The following CFAP45 variants were observed in gnomAD, a reference collection of about 807,000 sequenced individuals.
The protein encoded by CFAP45 is cilia and flagella associated protein 45.
A neutral mutation model predicts 75.6 loss-of-function variants in CFAP45; 43 were observed. The ratio of observed to expected loss-of-function variants is 0.57; its 90% CI spans 0.45 to 0.73. The LOEUF is 0.73. Ranked by LOEUF, CFAP45 falls within the 30% of genes least tolerant of loss-of-function variation. CFAP45 has a pLI of 0.00. For missense variants in CFAP45, 689 were observed against 701.5 expected, an observed-to-expected ratio of 0.98 and a Z score of 0.20; for synonymous variants, 223 against 244.6, an observed-to-expected ratio of 0.91 and a Z score of 0.82.
chr1:159,896,214 G>A (rs1244142770), intron 1 of CFAP45, among the ~76,000 whole-genome samples: 1 of 152,234 alleles, frequency 6.6e-6, no homozygotes, highest in Non-Finnish European at 1.5e-5. Flanking sequence ...TTCCTCCAGG[G>A]CTGAGCCTGC....
intron 1 of CFAP45, among the ~76,000 whole-genome samples, chr1:159,893,621 A>G (rs74124750): frequency 0.043 from 6,569 of 152,190 alleles, 311 homozygotes; most frequent in African/African-American, 0.12. Flanking sequence ...GGGGAGGGGC[A>G]TGGGGAGAGG....
chr1:159,880,977 A>C lies in CFAP45; in HGVS notation c.898-277T>G, dbSNP rs760264582. ...AGGAAGCAGAAGCTCTTAAAGTTCC[A>C]TACAATTGCCTCTCACATGTTTTGC... On this transcript the variant is annotated intron_variant, in intron 7 of 11. Transcript: ENST00000368099. Among the ~76,000 whole-genome samples the C allele has an allele frequency of 4.7e-4, 72 of 152,216 alleles. 1 individual carries two copies. Among genetic ancestry groups the C allele is most frequent in the Non-Finnish European group, 1.0e-4 (7 of 68,040 alleles).
rs1557912136 is a variant in CFAP45 at position 159,879,929 on chromosome 1, A to G, written c.1044+625T>C. ...ACATAAATCCATGTTCACTTTATCT[A>G]TACCACTCTTAAAAGCCTTCTTCTA... is the stretch of plus-strand genomic sequence containing the variant. On this transcript the variant is annotated intron_variant, in intron 8 of 11. Coordinates refer to ENST00000368099, the MANE Select transcript of CFAP45 (RefSeq NM_012337.3). Among the ~76,000 whole-genome samples, 4 of 152,176 alleles carry G rather than the reference A, an allele frequency of 2.6e-5. No homozygotes were observed. The South Asian group carries it at 8.3e-4, about 31-fold the overall frequency.
chr1:159,891,136 G>A (rs901056778), intron 2 of CFAP45, among the ~76,000 whole-genome samples: 14 of 152,168 alleles, frequency 9.2e-5, no homozygotes, highest in African/African-American at 3.1e-4. Context: ...AACAAGGAGT[G>A]GGGGTCACTA....
chr1:159,883,623 A>AT (rs1649602020), intron 7 of CFAP45, among the ~76,000 whole-genome samples: 17 of 72,122 alleles, frequency 2.4e-4, no homozygotes, highest in African/African-American at 6.1e-4. Flanking sequence ...TTAACAATAA[A>AT]ATATATATAT....
chr1:159,880,712 A>G lies in CFAP45; in HGVS notation c.898-12T>C, dbSNP rs760274621. Reference sequence around the variant, plus strand: ...CTTCGTTCCATGTCCTGCCAGCAAAAGAAAGAGAGCCTCAGAGTACAAAGA... The same window carrying G: ...CTTCGTTCCATGTCCTGCCAGCAAAGGAAAGAGAGCCTCAGAGTACAAAGA... On this transcript the variant is annotated splice_polypyrimidine_tract_variant and intron_variant, in intron 7 of 11. Transcript: ENST00000368099. 9 of 1,613,486 alleles carry G rather than the reference A, an allele frequency of 5.6e-6. No homozygotes were observed. The Admixed American group carries it at 1.3e-4, about 24-fold the overall frequency.
At chr1:159,888,062 C>A (rs1268882649) in intron 4 of CFAP45, 51 bp from the exon 5 acceptor site, 2 of 1,579,450 alleles carry the variant, frequency 1.3e-6, no homozygotes, top group African/African-American at 1.3e-5. Flanking sequence ...GCGCTCTGTG[C>A]CCTGGGCGCT....
intron 10 of CFAP45, 24 bp from the exon 11 acceptor site, chr1:159,873,192 A>G: frequency 6.2e-7 from 1 of 1,604,758 alleles, no homozygotes; most frequent in Non-Finnish European, 8.5e-7. Context: ...ACAGGAATGG[A>G]ATGAACTCAG....
intron 4 of CFAP45, 121 bp from the exon 5 acceptor site, chr1:159,888,132 C>A: frequency 8.5e-7 from 1 of 1,181,336 alleles, no homozygotes; most frequent in South Asian, 1.5e-5. Flanking sequence ...GATGTCAGAG[C>A]CAAGAAGTTC....
chr1:159,897,631 C>T (rs1480207253), intron 1 of CFAP45, among the ~76,000 whole-genome samples: 1 of 152,092 alleles, frequency 6.6e-6, no homozygotes, highest in African/African-American at 2.4e-5. Flanking sequence ...GTTTGTATGG[C>T]AGGTATGTGC....
At position 159,872,984 on chromosome 1, in the gene CFAP45, G is replaced by GCTCACGGCGTTTCTGGGCCT; in HGVS notation, c.1517_1536dup (p.Ile514ProfsTer19). 6.2e-7 allele frequency: 1 copy of GCTCACGGCGTTTCTGGGCCT among 1,614,178 alleles called. No individual in the cohort carries two copies. The highest frequency in any genetic ancestry group is 8.5e-7 in the Non-Finnish European group (1 of 1,180,038). ...TTTTTCCTCTTGATCTCATCGATGC[G>GCTCACGGCGTTTCTGGGCCT]CTCACGGCGTTTCTGGGCCTCCTCT... On this transcript the variant is annotated frameshift_variant, in exon 11 of 12. Coordinates refer to ENST00000368099, the MANE Select transcript of CFAP45 (RefSeq NM_012337.3). LOFTEE classifies it high-confidence loss of function.
Position 159,900,149 on chromosome 1 carries a change from G to A in CFAP45, c.-51C>T, listed in dbSNP as rs200879197. The stretch of plus-strand genomic sequence containing the variant: ...GGACTTCTGCTGCCGCCTCGGCGCC[G>A]CCAAGGCCCTAGTGTTGACGCGTTA... On this transcript the variant is annotated 5_prime_UTR_variant, in exon 1 of 12. Coordinates refer to ENST00000368099, the MANE Select transcript of CFAP45 (RefSeq NM_012337.3). The A allele has an allele frequency of 3.1e-6, 5 of 1,613,184 alleles. No homozygotes were observed. The highest frequency in any genetic ancestry group is 3.4e-6 in the Non-Finnish European group (4 of 1,179,464).
chr1:159,888,791 C>T (rs1460643958), intron 3 of CFAP45, among the ~76,000 whole-genome samples: 1 of 141,120 alleles, frequency 7.1e-6, no homozygotes, highest in Non-Finnish European at 1.6e-5. Flanking sequence ...GCCCACTCTG[C>T]CCCCCCACCA....
At chr1:159,873,252 C>T in intron 10 of CFAP45, 84 bp from the exon 11 acceptor site, 1 of 1,138,988 alleles carries the variant, frequency 8.8e-7, no homozygotes, top group Non-Finnish European at 1.3e-6. Flanking sequence ...CCTGGGTGGG[C>T]TCCTTCAGTA....
chr1:159,899,580 GC>G (rs1395934319), intron 1 of CFAP45, among the ~76,000 whole-genome samples: 1 of 148,634 alleles, frequency 6.7e-6, no homozygotes, highest in Non-Finnish European at 1.5e-5. Flanking sequence ...CCATTCTCCT[GC>G]CTCAGCCTCC....
chr1:159,884,380 G>C (rs759956886), intron 7 of CFAP45, 56 bp downstream of exon 7: 3 of 1,546,790 alleles, frequency 1.9e-6, no homozygotes, highest in East Asian at 2.4e-5. Context: ...CCAGAGTCTT[G>C]AAGGGTTTTG....
chr1:159,873,754 A>C (rs1393096049), intron 10 of CFAP45, among the ~76,000 whole-genome samples: 1 of 152,002 alleles, frequency 6.6e-6, no homozygotes, highest in Non-Finnish European at 1.5e-5. Flanking sequence ...GGTTTCACCC[A>C]CTGGGAACTA....
chr1:159,898,508 T>C (rs1557917982), intron 1 of CFAP45, among the ~76,000 whole-genome samples: 2 of 152,130 alleles, frequency 1.3e-5, no homozygotes, highest in African/African-American at 4.8e-5. Flanking sequence ...ACCCACTGCT[T>C]CTCAAAGGTG....
At chr1:159,884,204 C>T (rs1427896830) in intron 7 of CFAP45, among the ~76,000 whole-genome samples, 1 of 152,110 alleles carries the variant, frequency 6.6e-6, no homozygotes, top group African/African-American at 2.4e-5. Flanking sequence ...CAGTCTTGGA[C>T]CTCAAGTCCT....
Sources: allele counts gnomAD v4.1 joint callset (sites outside exome capture counted in the v4.1 genomes callset), GRCh38; gene constraint gnomAD v4.1.1; transcripts MANE v1.5; gene names NCBI Gene and HGNC (gene_info 2026-07-23, HGNC 2026-07-21).